ITGAD: variants seen among roughly 807,000 people sequenced by gnomAD.
The protein encoded by ITGAD is integrin subunit alpha D, also known as integrin alpha-D.
ITGAD carries 105 observed loss-of-function variants against 139.0 expected under a neutral mutation model. The observed-to-expected ratio is 0.76, with a 90% CI of 0.65 to 0.89. The LOEUF (loss-of-function observed/expected upper bound fraction) is 0.89, where lower values mean the gene tolerates loss of function less well. Ranked by LOEUF, ITGAD falls within the 40% of genes least tolerant of loss-of-function variation. The pLI is 0.00. For missense variants in ITGAD, 1,384 were observed against 1,487.3 expected (o/e 0.93, Z 1.14); for synonymous variants, 569 against 598.3 (o/e 0.95, Z 0.71).
intron 22 of ITGAD, 34 bp downstream of exon 22, chr16:31,418,414 T>G: frequency 6.2e-7 from 1 of 1,608,534 alleles, no homozygotes; most frequent in South Asian, 1.1e-5. Context: ...CCACCCTCCA[T>G]CGCATGCCCC....
At chr16:31,398,427 C>CA (rs941556814) in intron 5 of ITGAD, among the ~76,000 whole-genome samples, 2,948 of 73,036 alleles carry the variant, frequency 0.04, 64 homozygotes, top group South Asian at 0.16. Flanking sequence ...AACTCCATCT[C>CA]AAAAAAAAAA....
chr16:31,421,867 T>C (rs1029518313), intron 23 of ITGAD, among the ~76,000 whole-genome samples: 6 of 152,136 alleles, frequency 3.9e-5, no homozygotes, highest in African/African-American at 1.4e-4. Flanking sequence ...GCTGGGGCTG[T>C]TTCTGTGTGG....
intron 7 of ITGAD, among the ~76,000 whole-genome samples, chr16:31,406,001 T>C (rs2142700830): frequency 6.6e-6 from 1 of 152,328 alleles, no homozygotes; most frequent in African/African-American, 2.4e-5. Flanking sequence ...ATTTCCAATA[T>C]TGTATTTGAC....
At chr16:31,401,037 T>C (rs2081391700) in intron 5 of ITGAD, among the ~76,000 whole-genome samples, 1 of 151,958 alleles carries the variant, frequency 6.6e-6, no homozygotes, top group East Asian at 1.9e-4. Flanking sequence ...GGTGAGTGGA[T>C]CGTTAGAGCC....
At chr16:31,398,166 C>T (rs566253351) in intron 5 of ITGAD, among the ~76,000 whole-genome samples, 1 of 152,208 alleles carries the variant, frequency 6.6e-6, no homozygotes, top group East Asian at 1.9e-4. Flanking sequence ...CCTGTAATTC[C>T]AGCATTTTAG....
In ITGAD at chr16:31,397,804, C is replaced by T; in HGVS notation, c.322C>T (p.Pro108Ser). Residue 108 changes from proline to serine, a missense_variant, in exon 5 of 30, where the codon CCG (proline) becomes TCG (serine). Pro to Ser is a moderately conservative substitution (Grantham distance 74). Transcript: ENST00000389202. ...AGGCTTCTGCCTCCAGGCCTGTGGCCCGACCCTGCACAGAGTCTGTGGGGA... is the reference window on the plus strand; with the variant it reads ...AGGCTTCTGCCTCCAGGCCTGTGGCTCGACCCTGCACAGAGTCTGTGGGGA... ...TNGSRLLACG[P>S]TLHRVCGENS... 3 of 1,613,238 alleles carry T rather than the reference C, an allele frequency of 1.9e-6. No individual in the cohort carries two copies. Among genetic ancestry groups the T allele is most frequent in the East Asian group, 2.2e-5 (1 of 44,870 alleles).
chr16:31,409,068 C>T (rs927355995), intron 10 of ITGAD, among the ~76,000 whole-genome samples: 1 of 152,102 alleles, frequency 6.6e-6, no homozygotes, highest in Non-Finnish European at 1.5e-5. Context: ...CTGAGACGGG[C>T]GGATCACTTG....
At position 31,407,570 on chromosome 16, in the gene ITGAD, A is replaced by C. The variant is rs1159700098; in HGVS notation, c.760A>C (p.Ile254Leu). The C allele has an allele frequency of 1.2e-6, 2 of 1,611,832 alleles. No homozygotes were observed. The highest frequency in any genetic ancestry group is 1.7e-6 in the Non-Finnish European group (2 of 1,179,050). Reference protein sequence around the residue: ...GARKSAKKILIVITDGQKYKD... With the variant: ...GARKSAKKILLVITDGQKYKD... ...CCGAAAAAGTGCCAAGAAGATCCTC[A>C]TTGTCATCACAGATGGGCAGAAGTA... The change falls in exon 8 of 30, where the codon ATT (isoleucine) becomes CTT (leucine). Residue 254 changes from isoleucine to leucine, a missense_variant. By Grantham distance (5) the Ile-to-Leu change is conservative. Transcript: ENST00000389202.
At chr16:31,405,360 AAAAC>A (rs1280734219) in intron 7 of ITGAD, among the ~76,000 whole-genome samples, 2 of 152,250 alleles carry the variant, frequency 1.3e-5, no homozygotes, top group Non-Finnish European at 2.9e-5. Flanking sequence ...CAAAAAAACA[AAAAC>A]AAAGCAAAAC....
chr16:31,397,905 G>A lies in ITGAD; in HGVS notation c.423G>A (p.Thr141=), dbSNP rs1168502049. The A allele has an allele frequency of 5.0e-6, 8 of 1,609,828 alleles. No homozygotes were observed. Among genetic ancestry groups the A allele is most frequent in the Middle Eastern group, 1.7e-4 (1 of 6,052 alleles). Reference sequence around the variant, plus strand: ...TCATCCAGACAGTCCCCGACGCCACGCCAGGTAGGTCCCTGGCAGGCCATG... The same window carrying A: ...TCATCCAGACAGTCCCCGACGCCACACCAGGTAGGTCCCTGGCAGGCCATG... The part of the protein sequence containing the change: ...WEIIQTVPDA[T]PECPHQEMDI... Residue 141 remains threonine, a synonymous_variant, in exon 5 of 30, where the codon ACG becomes ACA. Coordinates refer to ENST00000389202, the MANE Select transcript of ITGAD (RefSeq NM_005353.3).
chr16:31,415,661 C>T (rs2081866698), intron 18 of ITGAD, among the ~76,000 whole-genome samples: 1 of 152,178 alleles, frequency 6.6e-6, no homozygotes, highest in Non-Finnish European at 1.5e-5. Context: ...TCGCCCCTCA[C>T]TTGGAAAACA....
Position 31,418,565 on chromosome 16 carries a change from G to C in ITGAD, c.2780+1G>C. On this transcript the variant is annotated splice_donor_variant, in intron 23 of 29. Coordinates refer to ENST00000389202, the MANE Select transcript of ITGAD (RefSeq NM_005353.3). LOFTEE classifies it high-confidence loss of function. ...ATGCAGTCTACACCATGATCAGCAG[G>C]TGCCCAGTCCCTGGCCTTCCCCTTG... The C allele has an allele frequency of 6.2e-7, 1 of 1,613,446 alleles. No homozygotes were observed.
intron 2 of ITGAD, among the ~76,000 whole-genome samples, chr16:31,395,744 T>TG (rs1241742932): frequency 1.3e-5 from 2 of 151,934 alleles, no homozygotes; most frequent in Admixed American, 1.3e-4. Flanking sequence ...CACCAAGGTC[T>TG]GGGGGGCGCA....
chr16:31,402,086 A>G (rs771313853), intron 5 of ITGAD, 29 bp from the exon 6 acceptor site: 1 of 1,608,292 alleles, frequency 6.2e-7, no homozygotes, highest in South Asian at 1.1e-5. Context: ...CCCGCAGTGC[A>G]TCTCCGATTC....
Position 31,397,390 on chromosome 16 carries a change from G to A in ITGAD, c.169G>A (p.Ala57Thr). The A allele has an allele frequency of 6.2e-7, 1 of 1,603,986 alleles. No individual in the cohort carries two copies. Among genetic ancestry groups the A allele is most frequent in the Non-Finnish European group, 8.5e-7 (1 of 1,175,866 alleles). Residue 57 changes from alanine to threonine, a missense_variant, in exon 3 of 30, where the codon GCG (alanine) becomes ACG (threonine). Physicochemically the swap from Ala to Thr is moderately conservative, Grantham distance 58. Coordinates refer to ENST00000389202, the MANE Select transcript of ITGAD (RefSeq NM_005353.3). ...LVVGAPLEVV[A>T]ANQTGRLYDC... The stretch of plus-strand genomic sequence containing the variant: ...GGTGGGAGCACCCCTGGAGGTGGTG[G>A]CGGCCAACCAGACGGGACGGCTGTA...
At chr16:31,407,461 C>A in intron 7 of ITGAD, 54 bp from the exon 8 acceptor site, 2 of 1,482,526 alleles carry the variant, frequency 1.3e-6, no homozygotes, top group Non-Finnish European at 1.8e-6. Context: ...CAAATGATGT[C>A]TTTCCAGAAT....
In ITGAD at chr16:31,423,342, T is replaced by C. The variant is rs1339090611; in HGVS notation, c.2860-10T>C. 9.3e-6 allele frequency: 15 copies of C among 1,612,838 alleles called. No individual in the cohort carries two copies. The highest frequency in any genetic ancestry group is 1.7e-5 in the Admixed American group (1 of 59,994). On this transcript the variant is annotated splice_polypyrimidine_tract_variant and intron_variant, in intron 24 of 29. Coordinates refer to ENST00000389202, the MANE Select transcript of ITGAD (RefSeq NM_005353.3). ...AGACCACAATAACACTCTGCCTTGA[T>C]TTCCTGCAGGTGAATAACCTCAGCC...
At chr16:31,397,496 C>A in intron 3 of ITGAD, 34 bp downstream of exon 3, 3 of 1,576,634 alleles carry the variant, frequency 1.9e-6, no homozygotes, top group Non-Finnish European at 1.7e-6. Context: ...GCCCCTCAAC[C>A]CTCCTGGACC....
In ITGAD at chr16:31,416,584, G is replaced by A. The variant is rs766489792; in HGVS notation, c.2437G>A (p.Gly813Arg). Residue 813 changes from glycine (G) to arginine (R), a missense_variant, in exon 20 of 30, where the codon GGA becomes AGA. Transcript: ENST00000389202. ...GTGGAACGCAGGTGAGGATTCCTACGGAACCGTGGTCAGCCTCTACTATCC... is the reference window on the plus strand; with the variant it reads ...GTGGAACGCAGGTGAGGATTCCTACAGAACCGTGGTCAGCCTCTACTATCC... The part of the protein sequence containing the change: ...TVWNAGEDSY[G>R]TVVSLYYPAG... The A allele has an allele frequency of 6.2e-6, 10 of 1,613,652 alleles. No individual in the cohort carries two copies. Among genetic ancestry groups the A allele is most frequent in the East Asian group, 4.5e-5 (2 of 44,868 alleles).
Sources: gnomAD v4.1 joint callset for allele counts (sites outside exome capture counted in the v4.1 genomes callset) on GRCh38, gnomAD v4.1.1 for gene constraint, MANE v1.5 for transcripts, NCBI Gene and HGNC (gene_info 2026-07-23, HGNC 2026-07-21) for gene names.